CTNNA2: variants seen among roughly 807,000 people sequenced by gnomAD.
The protein encoded by CTNNA2 is catenin alpha-2.
In CTNNA2, 42 loss-of-function variants were observed where a neutral mutation model predicts 101.0. The ratio of observed to expected loss-of-function variants is 0.42; its 90% CI spans 0.32 to 0.54. The LOEUF (loss-of-function observed/expected upper bound fraction) is 0.54. CTNNA2 is among the 20% of genes least tolerant of loss of function. CTNNA2 has a pLI of 0.14. For missense variants in CTNNA2, 871 were observed against 1,223.1 expected (o/e 0.71, Z 4.29); for synonymous variants, 450 against 456.4 (o/e 0.99, Z 0.18).
intron 3 of CTNNA2, among the ~76,000 whole-genome samples, chr2:79,751,593 CAAAAAAAAAAAA>C (rs397985098): frequency 1.5e-5 from 1 of 68,942 alleles, no homozygotes; most frequent in Non-Finnish European, 2.9e-5. Context: ...GACTCCATCT[CAAAAAAAAAAAA>C]AAAAAAAAAA....
chr2:79,498,012 T>G (rs1345331381), intron 4 of CTNNA2: 2 of 152,184 alleles, frequency 1.3e-5, no homozygotes, highest in Non-Finnish European at 2.9e-5. Context: ...AACACAGTCA[T>G]GCTGTCAGGA....
chr2:80,426,618 T>C (rs1681018925), intron 9 of CTNNA2, among the ~76,000 whole-genome samples: 2 of 152,152 alleles, frequency 1.3e-5, no homozygotes, highest in Admixed American at 6.5e-5. Flanking sequence ...TTTCCCTGCC[T>C]GAGGCCATTC....
At chr2:79,401,722 T>G (rs1030063795) in intron 4 of CTNNA2, among the ~76,000 whole-genome samples, 5 of 151,592 alleles carry the variant, frequency 3.3e-5, no homozygotes, top group Admixed American at 2.6e-4. Context: ...GTAAGCCATA[T>G]AAAGCAAGTA....
chr2:79,497,136 C>T (rs569571208), intron 4 of CTNNA2, among the ~76,000 whole-genome samples: 10 of 152,276 alleles, frequency 6.6e-5, no homozygotes, highest in South Asian at 4.1e-4. Flanking sequence ...TTGGAAGCTC[C>T]GGCAATGCCA....
At chr2:79,884,701 C>T (rs1325734701) in intron 6 of CTNNA2, among the ~76,000 whole-genome samples, 1 of 151,784 alleles carries the variant, frequency 6.6e-6, no homozygotes, top group Non-Finnish European at 1.5e-5. Context: ...TCCCTACCTG[C>T]CTTTACCTTC....
intron 7 of CTNNA2, among the ~76,000 whole-genome samples, chr2:80,077,101 G>A (rs1262881210): frequency 6.6e-6 from 1 of 152,070 alleles, no homozygotes; most frequent in African/African-American, 2.4e-5. Context: ...AAGTTAAAAA[G>A]CTTGATAATG....
At chr2:79,851,817 C>G (rs1477404217) in intron 3 of CTNNA2, among the ~76,000 whole-genome samples, 1 of 123,838 alleles carries the variant, frequency 8.1e-6, no homozygotes, top group East Asian at 2.8e-4. Context: ...TCTCTGCTTA[C>G]TGCAACCTAC....
At position 80,630,790 on chromosome 2, in the gene CTNNA2, A is replaced by ATTCAAATTGC. The variant is rs372523379; in HGVS notation, c.2574+11566_2574+11575dup. On this transcript the variant is annotated intron_variant, in intron 18 of 18. Transcript: ENST00000402739. ...ACATAAGGCTAAGGATCCCCTTGAG[A>ATTCAAATTGC]TTCAAATTGCTTCTGTGTTTGTTAA... Among the ~76,000 whole-genome samples, 673 of 152,336 alleles carry ATTCAAATTGC rather than the reference A, an allele frequency of 4.4e-3. 3 individuals are homozygous for ATTCAAATTGC. The highest frequency in any genetic ancestry group is 0.016 in the African/African-American group (650 of 41,594).
intron 7 of CTNNA2, among the ~76,000 whole-genome samples, chr2:80,185,836 G>A (rs1281187850): frequency 6.6e-6 from 1 of 152,132 alleles, no homozygotes; most frequent in Non-Finnish European, 1.5e-5. Context: ...GAAGCTGTTA[G>A]GTTCTTTGCA....
At chr2:79,921,703 C>T (rs1333828207) in intron 7 of CTNNA2, among the ~76,000 whole-genome samples, 1 of 152,166 alleles carries the variant, frequency 6.6e-6, no homozygotes, top group Non-Finnish European at 1.5e-5. Context: ...AGCTTAATTG[C>T]TGACTTCAGT....
intron 7 of CTNNA2, among the ~76,000 whole-genome samples, chr2:79,935,778 G>A (rs564952764): frequency 2.6e-4 from 39 of 152,354 alleles, no homozygotes; most frequent in African/African-American, 9.1e-4. Flanking sequence ...TGTTGACAGA[G>A]GCCTGGCAGT....
chr2:79,781,471 T>C (rs1053577024), intron 3 of CTNNA2, among the ~76,000 whole-genome samples: 2 of 152,210 alleles, frequency 1.3e-5, no homozygotes, highest in Non-Finnish European at 2.9e-5. Flanking sequence ...CTATTCAAGA[T>C]GGAGTTGCTC....
intron 7 of CTNNA2, among the ~76,000 whole-genome samples, chr2:80,279,526 T>C (rs1455867367): frequency 6.6e-6 from 1 of 152,210 alleles, no homozygotes; most frequent in Non-Finnish European, 1.5e-5. Context: ...TGTACAATTA[T>C]ACAATATTAT....
chr2:79,992,066 C>T (rs1453056897), intron 7 of CTNNA2, among the ~76,000 whole-genome samples: 1 of 152,126 alleles, frequency 6.6e-6, no homozygotes, highest in Non-Finnish European at 1.5e-5. Context: ...CAAGAAATAT[C>T]TGCAGCTGCT....
chr2:79,252,306 T>C (rs1014830143), intron 2 of CTNNA2, among the ~76,000 whole-genome samples: 1 of 147,868 alleles, frequency 6.8e-6, no homozygotes, highest in African/African-American at 2.5e-5. Context: ...TTTTTTTTCA[T>C]ACAGTAGGTA....
chr2:80,619,206 G>T lies in CTNNA2; in HGVS notation c.2552G>T (p.Ser851Ile). The T allele has an allele frequency of 6.3e-7, 1 of 1,581,260 alleles. No homozygotes were observed. Among genetic ancestry groups the T allele is most frequent in the Non-Finnish European group, 8.6e-7 (1 of 1,163,822 alleles). ...TGTGCTGAGGGAGCTCCGATCGGGA[G>T]TGGAAGCAGTGATTCCTCCATGGTG... is the stretch of plus-strand genomic sequence containing the variant. The part of the protein sequence containing the change: ...PTCAEGAPIG[S>I]GSSDSSMLDS... Residue 851 changes from serine (S) to isoleucine (I), a missense_variant, in exon 18 of 19, where the codon AGT becomes ATT. Around this residue, in one of 5 missense-constraint regions of CTNNA2, gnomAD observed 65 missense variants for 53.3 expected, o/e 1.22. Transcript: ENST00000402739.
intron 9 of CTNNA2, among the ~76,000 whole-genome samples, chr2:80,469,619 G>A (rs1249021268): frequency 6.6e-6 from 1 of 152,170 alleles, no homozygotes; most frequent in African/African-American, 2.4e-5. Context: ...GCTTCTAGGT[G>A]CCCCTGAGAT....
intron 2 of CTNNA2, among the ~76,000 whole-genome samples, chr2:79,200,206 A>C (rs1015743417): frequency 6.6e-6 from 1 of 152,180 alleles, no homozygotes; most frequent in East Asian, 1.9e-4. Flanking sequence ...CAATATGGTG[A>C]AACCCCACCT....
At chr2:79,594,744 T>TTA (rs1280543092) in intron 1 of CTNNA2, among the ~76,000 whole-genome samples, 4 of 152,146 alleles carry the variant, frequency 2.6e-5, no homozygotes, top group Non-Finnish European at 4.4e-5. Context: ...TCTCTCTTTT[T>TTA]TATATATATC....
Sources: gnomAD v4.1 joint callset for allele counts (sites outside exome capture counted in the v4.1 genomes callset) on GRCh38, gnomAD v4.1.1 for gene constraint, gnomAD v4.1.1 regional missense constraint, MANE v1.5 for transcripts, NCBI Gene and HGNC (gene_info 2026-07-23, HGNC 2026-07-21) for gene names.